Variants in ARAP3 observed in about 807,000 individuals in gnomAD.
The protein encoded by ARAP3 is arf-GAP with Rho-GAP domain, ANK repeat and PH domain-containing protein 3.
Under a neutral mutation model 169.2 loss-of-function variants are expected in ARAP3, and 82 were observed. The observed-to-expected ratio is 0.48, with a 90% CI of 0.41 to 0.58. ARAP3 has a LOEUF of 0.58. Among genes scored for constraint, ARAP3 ranks in the 20% least tolerant of loss-of-function variants. The pLI is 0.00. For missense variants in ARAP3, 1,764 were observed against 2,018.0 expected, an observed-to-expected ratio of 0.87 and a Z score of 2.41; for synonymous variants, 791 against 800.3, an observed-to-expected ratio of 0.99 and a Z score of 0.20.
Position 141,654,364 on chromosome 5 carries a change from C to A in ARAP3, c.4221G>T (p.Val1407=). ...CAGGGAAGGCCCCTACTTCCTCATACACTGGCTCCTCGTACACAGGCTCCT... is the reference window on the plus strand; with the variant it reads ...CAGGGAAGGCCCCTACTTCCTCATAAACTGGCTCCTCGTACACAGGCTCCT... ...ELEEPVYEEP[V]YEEVGAFPEL... Residue 1407 remains valine, a synonymous_variant, in exon 33 of 33, where the codon GTG becomes GTT. Transcript: ENST00000239440. 6.2e-7 allele frequency: 1 copy of A among 1,613,822 alleles called. No homozygotes were observed. The highest frequency in any genetic ancestry group is 8.5e-7 in the Non-Finnish European group (1 of 1,179,856).
At chr5:141,669,067 G>A (rs575391275) in intron 16 of ARAP3, among the ~76,000 whole-genome samples, 1 of 152,272 alleles carries the variant, frequency 6.6e-6, no homozygotes, top group South Asian at 2.1e-4. Flanking sequence ...CATACTGAGG[G>A]CTTGCTGTGT....
intron 16 of ARAP3, among the ~76,000 whole-genome samples, chr5:141,668,388 CT>C (rs2099910964): frequency 6.6e-6 from 1 of 152,230 alleles, no homozygotes; most frequent in African/African-American, 2.4e-5. Context: ...GCCACCACCC[CT>C]GGCCCAAGCC....
rs2099912780 is a variant in ARAP3 at position 141,680,212 on chromosome 5, G to GGGGGCTGGGCTTGC, written c.261_274dup (p.Pro92ArgfsTer30). 3 of 1,613,250 alleles carry GGGGGCTGGGCTTGC rather than the reference G, an allele frequency of 1.9e-6. No individual in the cohort carries two copies. Among genetic ancestry groups the GGGGGCTGGGCTTGC allele is most frequent in the South Asian group, 1.1e-5 (1 of 90,990 alleles). ...GGTCCTGGGCTTCGGCACGGGCTTA[G>GGGGGCTGGGCTTGC]GGGGCTGGGCTTGCGGGGCTGGGCT... On this transcript the variant is annotated frameshift_variant, in exon 2 of 33. Transcript: ENST00000239440. LOFTEE classifies it high-confidence loss of function.
intron 4 of ARAP3, among the ~76,000 whole-genome samples, chr5:141,677,792 G>C (rs1040973665): frequency 6.0e-5 from 9 of 150,624 alleles, no homozygotes; most frequent in Non-Finnish European, 1.3e-4. Flanking sequence ...TTTTGTTTTT[G>C]TTTTTGTTTT....
At chr5:141,666,764 GA>G in intron 16 of ARAP3, 121 bp from the exon 17 acceptor site, 3 of 471,500 alleles carry the variant, frequency 6.4e-6, no homozygotes, top group Non-Finnish European at 3.6e-6. Flanking sequence ...GAAAGCAGAA[GA>G]AAAGCAGGAA....
chr5:141,658,941 G>A (rs528658568), intron 23 of ARAP3, among the ~76,000 whole-genome samples: 5 of 152,172 alleles, frequency 3.3e-5, no homozygotes, highest in African/African-American at 1.2e-4. Context: ...TAAATGACCC[G>A]CTGAACCCGT....
At chr5:141,679,524 A>C in intron 4 of ARAP3, 21 bp downstream of exon 4, 1 of 1,607,978 alleles carries the variant, frequency 6.2e-7, no homozygotes. Flanking sequence ...CCCTCCCACC[A>C]CTTCCCTATT....
At chr5:141,657,220 T>C (rs2099909372) in intron 25 of ARAP3, among the ~76,000 whole-genome samples, 1 of 152,150 alleles carries the variant, frequency 6.6e-6, no homozygotes, top group Admixed American at 6.5e-5. Context: ...GAGCAAGCCA[T>C]GCTAAGATTG....
Position 141,672,182 on chromosome 5 carries a change from C to A in ARAP3, c.1505G>T (p.Arg502Leu). ...AEKIWSNRAN[R>L]QCADCGSSRP... is the part of the protein sequence containing the mutation. Reference sequence around the variant, plus strand: ...GGAGGACCCACAGTCCGCACACTGCCGGTTGGCCCGATTAGACCAGATCTT... The same window carrying A: ...GGAGGACCCACAGTCCGCACACTGCAGGTTGGCCCGATTAGACCAGATCTT... Residue 502 changes from arginine (R) to leucine (L), a missense_variant, in exon 10 of 33, where the codon CGG (arginine) becomes CTG (leucine). This residue lies in a region of ARAP3 where 630 missense variants were observed against 678.7 expected (regional missense o/e 0.93). Transcript: ENST00000239440. This position sits in a 1 kb window ranked among gnomAD's most constrained non-coding sequence, Gnocchi z 4.9. 6.2e-7 allele frequency: 1 copy of A among 1,614,182 alleles called. No individual in the cohort carries two copies. The highest frequency in any genetic ancestry group is 1.3e-5 in the African/African-American group (1 of 75,024).
rs148278393 is a variant in ARAP3, at chr5:141,680,172, G to A, written c.315C>T (p.Leu105=). 225 of 1,607,430 alleles carry A rather than the reference G, an allele frequency of 1.4e-4. No homozygotes were observed. The highest frequency in any genetic ancestry group is 1.7e-4 in the Non-Finnish European group (199 of 1,175,454). ...VPKPRTVFGG[L]SGPATTQRPG... ...GTCTCTGAGTGGTGGCAGGGCCACT[G>A]AGTCCACCAAACACGGTCCTGGGCT... Residue 105 remains leucine, a synonymous_variant, in exon 2 of 33, where the codon CTC becomes CTT. Transcript: ENST00000239440.
chr5:141,668,733 A>G (rs1434194374), intron 16 of ARAP3, among the ~76,000 whole-genome samples: 1 of 152,184 alleles, frequency 6.6e-6, no homozygotes, highest in Non-Finnish European at 1.5e-5. Context: ...AGAGCAGTGG[A>G]GCATTTCCCA....
chr5:141,681,672 T>C (rs1378301053), intron 1 of ARAP3, among the ~76,000 whole-genome samples: 1 of 152,112 alleles, frequency 6.6e-6, no homozygotes, highest in Non-Finnish European at 1.5e-5. Flanking sequence ...AGATCTTGAG[T>C]TGTATCTGTG....
In ARAP3 at chr5:141,666,629, C is replaced by A; in HGVS notation, c.2367G>T (p.Leu789=). 7.0e-7 allele frequency: 1 copy of A among 1,430,584 alleles called. No homozygotes were observed. 88.6% of individuals were successfully genotyped at this position (1,430,584 alleles called of 1,614,324 possible). A position where few individuals can be genotyped will look rare whatever the true frequency, so the allele number is the denominator to read the frequency against. The change falls in exon 17 of 33, where the codon CTG becomes CTT. Residue 789 remains leucine (L), a synonymous_variant. Coordinates refer to ENST00000239440, the MANE Select transcript of ARAP3 (RefSeq NM_022481.6). ...TSAVGKWFSP[L]SCHQLLGPGL... ...CGGGGCCCAGCAGCTGGTGGCAGCTCAGCGGGGAGAACCACTGTAGAGGCA... is the reference window on the plus strand; with the variant it reads ...CGGGGCCCAGCAGCTGGTGGCAGCTAAGCGGGGAGAACCACTGTAGAGGCA...
In ARAP3 at chr5:141,656,565, C is replaced by G; in HGVS notation, c.3728G>C (p.Arg1243Pro). 6.2e-7 allele frequency: 1 copy of G among 1,612,786 alleles called. No individual in the cohort carries two copies. Among genetic ancestry groups the G allele is most frequent in the Non-Finnish European group, 8.5e-7 (1 of 1,179,442 alleles). Reference protein sequence around the residue: ...REEPPRLLGSRFQERFFLLRG... With the variant: ...REEPPRLLGSPFQERFFLLRG... ...CAGCAGAAAGAACCTCTCCTGGAAG[C>G]GGCTTCCCAGCAAGCGAGGTGGCTC... Residue 1243 changes from arginine (R) to proline (P), a missense_variant, in exon 27 of 33, where the codon CGC becomes CCC. By Grantham distance (103) the Arg-to-Pro change is moderately radical. Around this residue, in one of 3 missense-constraint regions of ARAP3, gnomAD observed 1,112 missense variants for 1,285.7 expected, o/e 0.86. Coordinates refer to ENST00000239440, the MANE Select transcript of ARAP3 (RefSeq NM_022481.6).
intron 17 of ARAP3, among the ~76,000 whole-genome samples, chr5:141,666,052 AAAT>A (rs1161155267): frequency 2.8e-5 from 4 of 140,868 alleles, no homozygotes; most frequent in South Asian, 2.2e-4. Context: ...AAAAAAAAAA[AAAT>A]AATAATAATA....
At position 141,661,725 on chromosome 5, in the gene ARAP3, G is replaced by C; in HGVS notation, c.3078C>G (p.Val1026=). 6.2e-7 allele frequency: 1 copy of C among 1,614,234 alleles called. No homozygotes were observed. Residue 1026 remains valine (V), a synonymous_variant, in exon 21 of 33, where the codon GTC becomes GTG. Transcript: ENST00000239440. ...YKDVIGCLPR[V]NRRTLATLIG... is the part of the protein sequence containing the mutation. ...TGAGGGTGGCCAGTGTGCGGCGGTT[G>C]ACCCGCGGCAGGCAGCCAATCACAT...
chr5:141,661,784 G>C lies in ARAP3; in HGVS notation c.3019C>G (p.Pro1007Ala). Reference sequence around the variant, plus strand: ...TTCTCCAGGCGCTGATTCTTCTGGGGCAGCTCTGGGGATGGAATGGAGGAG... The same window carrying C: ...TTCTCCAGGCGCTGATTCTTCTGGGCCAGCTCTGGGGATGGAATGGAGGAG... Reference protein sequence around the residue: ...LPRWREAAELPQKNQRLEKYK... With the variant: ...LPRWREAAELAQKNQRLEKYK... Residue 1007 changes from proline (P) to alanine (A), a missense_variant, in exon 21 of 33, where the codon CCC becomes GCC. Transcript: ENST00000239440. 2 of 1,614,204 alleles carry C rather than the reference G, an allele frequency of 1.2e-6. No individual in the cohort carries two copies. Among genetic ancestry groups the C allele is most frequent in the Non-Finnish European group, 1.7e-6 (2 of 1,180,038 alleles).
At position 141,672,011 on chromosome 5, in the gene ARAP3, G is replaced by A. The variant is rs956037873; in HGVS notation, c.1586-31C>T. 8.1e-6 allele frequency: 13 copies of A among 1,614,102 alleles called. No individual in the cohort carries two copies. Among genetic ancestry groups the A allele is most frequent in the Non-Finnish European group, 1.1e-5 (13 of 1,179,964 alleles). On this transcript the variant is annotated intron_variant, in intron 10 of 32. Transcript: ENST00000239440. This position sits in a 1 kb window ranked among gnomAD's most constrained non-coding sequence, Gnocchi z 4.9. The stretch of plus-strand genomic sequence containing the variant: ...AGGGTGTGAGGGTGTGTGAGGGTGT[G>A]TGAGGGTGTGAGGGGCATGTGGCAC...
Position 141,655,931 on chromosome 5 carries a change from A to G in ARAP3, c.3910T>C (p.Tyr1304His). ...TCATCCTCGTCAGTGCAGGACAAGT[A>G]GCTGGGGTGATCAGAATGGAATCAG... ...FTLILEKMHL[Y>H]LSCTDEDEMW... The change falls in exon 30 of 33, where the codon TAC (tyrosine) becomes CAC (histidine). Residue 1304 changes from tyrosine to histidine, a missense_variant and splice_region_variant. Coordinates refer to ENST00000239440, the MANE Select transcript of ARAP3 (RefSeq NM_022481.6). The G allele has an allele frequency of 6.2e-7, 1 of 1,614,016 alleles. No homozygotes were observed. Among genetic ancestry groups the G allele is most frequent in the Non-Finnish European group, 8.5e-7 (1 of 1,179,900 alleles).
Sources: gnomAD v4.1 joint callset for allele counts (sites outside exome capture counted in the v4.1 genomes callset) on GRCh38, gnomAD v4.1.1 for gene constraint, gnomAD v4.1.1 regional missense constraint, Gnocchi (gnomAD v3.1) non-coding constraint, MANE v1.5 for transcripts, NCBI Gene and HGNC (gene_info 2026-07-23, HGNC 2026-07-21) for gene names.